Variants in GRIK4 observed in about 807,000 individuals in gnomAD.
GRIK4 encodes glutamate receptor ionotropic, kainate 4.
In GRIK4, 40 loss-of-function variants were observed where a neutral mutation model predicts 104.9. The ratio of observed to expected loss-of-function variants is 0.38; its 90% CI spans 0.30 to 0.50. GRIK4 has a LOEUF of 0.50. Ranked by LOEUF, GRIK4 falls within the 20% of genes least tolerant of loss-of-function variation. GRIK4 has a pLI of 0.93. For missense variants in GRIK4, 1,047 were observed against 1,308.1 expected (o/e 0.80, Z 3.08); for synonymous variants, 485 against 524.9 (o/e 0.92, Z 1.04).
intron 1 of GRIK4, among the ~76,000 whole-genome samples, chr11:120,572,510 AG>A (rs551873535): frequency 6.2e-4 from 95 of 152,258 alleles, no homozygotes; most frequent in African/African-American, 2.0e-3. Flanking sequence ...TCTCCTTCGC[AG>A]GCTGTCTTTG....
chr11:120,572,977 A>G (rs1476482280), intron 1 of GRIK4, among the ~76,000 whole-genome samples: 1 of 152,080 alleles, frequency 6.6e-6, no homozygotes, highest in Non-Finnish European at 1.5e-5. Flanking sequence ...TACTCCATTC[A>G]CTCATTCACT....
At chr11:120,852,389 G>A (rs538106134) in intron 8 of GRIK4, among the ~76,000 whole-genome samples, 5 of 152,334 alleles carry the variant, frequency 3.3e-5, no homozygotes, top group South Asian at 2.1e-4. Context: ...CTTGCTAAGC[G>A]CAAGTGTAGG....
intron 16 of GRIK4, among the ~76,000 whole-genome samples, chr11:120,959,515 ACTG>A (rs1944241443): frequency 6.6e-6 from 1 of 152,248 alleles, no homozygotes; most frequent in Admixed American, 6.5e-5. Flanking sequence ...CTCAGGCTCC[ACTG>A]ATTCAGAATT....
At chr11:120,598,164 G>T (rs894964181) in intron 1 of GRIK4, among the ~76,000 whole-genome samples, 1 of 152,070 alleles carries the variant, frequency 6.6e-6, no homozygotes, top group South Asian at 2.1e-4. Context: ...CTTGACCATC[G>T]AATTTGACTG....
At chr11:120,943,390 G>A (rs1943776007) in intron 14 of GRIK4, among the ~76,000 whole-genome samples, 1 of 152,094 alleles carries the variant, frequency 6.6e-6, no homozygotes, top group Non-Finnish European at 1.5e-5. Flanking sequence ...GTCAGCTGAG[G>A]GGAGAACAAT....
chr11:120,570,096 T>C (rs945094600), intron 1 of GRIK4, among the ~76,000 whole-genome samples: 28 of 151,742 alleles, frequency 1.8e-4, no homozygotes, highest in African/African-American at 6.3e-4. Flanking sequence ...CAATAAAGAG[T>C]GAGAGACCGC....
chr11:120,987,719 C>T lies in GRIK4; in HGVS notation c.*1459C>T, dbSNP rs1944780816. The T allele has an allele frequency of 6.6e-6, 1 of 152,232 alleles. No homozygotes were observed. The highest frequency in any genetic ancestry group is 2.1e-4 in the South Asian group (1 of 4,828). 9.4% of individuals were successfully genotyped at this position (152,232 alleles called of 1,614,324 possible). ...GTTACCAGGTGACTGCTAGTGACTG[C>T]TCTCCATGTGAGAAGTTTGCAGAGT... On this transcript the variant is annotated 3_prime_UTR_variant, in exon 21 of 21. Coordinates refer to ENST00000527524, the MANE Select transcript of GRIK4 (RefSeq NM_014619.5).
intron 3 of GRIK4, among the ~76,000 whole-genome samples, chr11:120,793,927 G>A (rs1952454140): frequency 6.7e-6 from 1 of 150,262 alleles, no homozygotes; most frequent in African/African-American, 2.5e-5. Flanking sequence ...GCGGTGTTTA[G>A]GGGCTGAGAG....
At chr11:120,680,852 G>A (rs10790396) in intron 3 of GRIK4, among the ~76,000 whole-genome samples, 69,474 of 151,764 alleles carry the variant, frequency 0.46, 16,234 homozygotes, top group East Asian at 0.55. Context: ...GGATTTCAGG[G>A]TCTCTCTCCA....
intron 1 of GRIK4, among the ~76,000 whole-genome samples, chr11:120,547,736 C>T (rs11608114): frequency 0.098 from 14,981 of 152,162 alleles, 1,019 homozygotes; most frequent in Non-Finnish European, 0.15. Flanking sequence ...ACAGCAACTG[C>T]CTAGTGTTTG....
intron 3 of GRIK4, among the ~76,000 whole-genome samples, chr11:120,725,356 C>CT (rs1951011071): frequency 6.6e-6 from 1 of 152,130 alleles, no homozygotes; most frequent in Non-Finnish European, 1.5e-5. Context: ...AACACCAGGG[C>CT]TTTAGTCTAG....
In GRIK4 at chr11:120,902,092, C is replaced by T. The variant is rs531919589; in HGVS notation, c.1273-3198C>T. Among the ~76,000 whole-genome samples, 12 of 152,146 alleles carry T rather than the reference C, an allele frequency of 7.9e-5. No homozygotes were observed. The highest frequency in any genetic ancestry group is 1.6e-4 in the Non-Finnish European group (11 of 68,032). ...GGTTTTCCCTGGCAAATGGTAATCC[C>T]GAATGATTTATCCCTTAAAACTCAG... On this transcript the variant is annotated intron_variant, in intron 12 of 20. Transcript: ENST00000527524. The surrounding 1 kb of genome is among the most constrained non-coding windows in gnomAD (Gnocchi z 4.5).
chr11:120,568,595 C>T (rs1948360135), intron 1 of GRIK4, among the ~76,000 whole-genome samples: 1 of 152,132 alleles, frequency 6.6e-6, no homozygotes, highest in African/African-American at 2.4e-5. Context: ...ACCATGTCAG[C>T]CAGGCTGGTC....
chr11:120,770,299 T>C (rs1951917937), intron 3 of GRIK4, among the ~76,000 whole-genome samples: 1 of 152,220 alleles, frequency 6.6e-6, no homozygotes, highest in African/African-American at 2.4e-5. Context: ...ACTCCCAGCA[T>C]CTGTTTATGC....
chr11:120,934,885 A>G (rs990967088), intron 13 of GRIK4, among the ~76,000 whole-genome samples: 1 of 152,142 alleles, frequency 6.6e-6, no homozygotes, highest in East Asian at 1.9e-4. Context: ...CTGTGGCTCT[A>G]ATGGTCCCAG....
At chr11:120,961,112 G>T (rs2134729745) in intron 17 of GRIK4, 38 bp downstream of exon 17, 2 of 1,576,984 alleles carry the variant, frequency 1.3e-6, no homozygotes, top group Non-Finnish European at 1.7e-6. Flanking sequence ...ATCGGGAATT[G>T]GGCAGAATAA....
intron 1 of GRIK4, among the ~76,000 whole-genome samples, chr11:120,540,657 A>G (rs1055408515): frequency 6.6e-6 from 1 of 152,026 alleles, no homozygotes; most frequent in African/African-American, 2.4e-5. Flanking sequence ...AAAACAAACA[A>G]CAAAAAAATG....
intron 1 of GRIK4, among the ~76,000 whole-genome samples, chr11:120,553,298 G>A (rs1269637430): frequency 6.6e-6 from 1 of 152,200 alleles, no homozygotes; most frequent in Non-Finnish European, 1.5e-5. Flanking sequence ...GGAACAGGAG[G>A]AAACCAGGAG....
chr11:120,534,291 G>A (rs968107694), intron 1 of GRIK4, among the ~76,000 whole-genome samples: 13 of 152,150 alleles, frequency 8.5e-5, no homozygotes, highest in African/African-American at 2.2e-4. Flanking sequence ...AGAAGGTGAC[G>A]GATTCAGTTC....
Sources: gnomAD v4.1 joint callset for allele counts (sites outside exome capture counted in the v4.1 genomes callset) on GRCh38, gnomAD v4.1.1 for gene constraint, Gnocchi (gnomAD v3.1) non-coding constraint, MANE v1.5 for transcripts, NCBI Gene and HGNC (gene_info 2026-07-23, HGNC 2026-07-21) for gene names.